PCDHGA6: variants seen among roughly 807,000 people sequenced by gnomAD.
PCDHGA6 encodes the protein protocadherin gamma-A6.
PCDHGA6 carries 41 observed loss-of-function variants against 60.6 expected under a neutral mutation model. The observed-to-expected ratio is 0.68, with a 90% CI of 0.53 to 0.88. The LOEUF is 0.88. Ranked by LOEUF, PCDHGA6 falls within the 40% of genes least tolerant of loss-of-function variation. PCDHGA6 has a pLI of 0.00. For missense variants in PCDHGA6, 1,312 were observed against 1,203.0 expected (o/e 1.09, Z -1.34); for synonymous variants, 594 against 524.4 (o/e 1.13, Z -1.81).
chr5:141,401,353 AAGG>A (rs772220375), intron 1 of PCDHGA6, among the ~76,000 whole-genome samples: 7 of 152,166 alleles, frequency 4.6e-5, no homozygotes, highest in African/African-American at 7.2e-5. Flanking sequence ...AAAAAAAAGG[AAGG>A]AGAAGGAGAG....
In PCDHGA6 at chr5:141,383,143, G is replaced by T. The variant is rs371358932; in HGVS notation, c.2424+6636G>T. 1.9e-5 allele frequency: 30 copies of T among 1,614,090 alleles called. No homozygotes were observed. The African/African-American group carries it at 3.1e-4, about 16-fold the overall frequency. ...GCTTTTCGCCCTGAACCAGCGCAGC[G>T]GCAGCTTGGTCACTGCGGGCAGGAT... On this transcript the variant is annotated intron_variant, in intron 1 of 3. Coordinates refer to ENST00000517434, the MANE Select transcript of PCDHGA6 (RefSeq NM_018919.3).
In PCDHGA6 at chr5:141,374,900, G is replaced by A. The variant is rs1770928989; in HGVS notation, c.817G>A (p.Val273Ile). The change falls in exon 1 of 4, where the codon GTC (valine) becomes ATC (isoleucine). Residue 273 changes from valine (V) to isoleucine (I), a missense_variant. By Grantham distance (29) the Val-to-Ile change is conservative. Coordinates refer to ENST00000517434, the MANE Select transcript of PCDHGA6 (RefSeq NM_018919.3). The stretch of plus-strand genomic sequence containing the variant: ...GACTGCCACCGACCAGGATGAAGGA[G>A]TCCACGGGGAAGTAACTTATTCCTT... ...AVTATDQDEG[V>I]HGEVTYSFVK... The A allele has an allele frequency of 3.7e-6, 6 of 1,613,682 alleles. No homozygotes were observed. The highest frequency in any genetic ancestry group is 3.3e-5 in the South Asian group (3 of 91,092).
rs749528675 is a variant in PCDHGA6, at chr5:141,490,604, A to G, written c.2425-4203A>G. On this transcript the variant is annotated intron_variant, in intron 1 of 3. Coordinates refer to ENST00000517434, the MANE Select transcript of PCDHGA6 (RefSeq NM_018919.3). This position sits in a 1 kb window ranked among gnomAD's most constrained non-coding sequence, Gnocchi z 5.4. ...GTCAATGACAATGCACCCCGCTTCA[A>G]CCAGCAGCTTTACACTGCTTACATC... is the stretch of plus-strand genomic sequence containing the variant. 13 of 1,614,192 alleles carry G rather than the reference A, an allele frequency of 8.1e-6. No homozygotes were observed. Among genetic ancestry groups the G allele is most frequent in the Non-Finnish European group, 1.1e-5 (13 of 1,180,022 alleles).
chr5:141,448,956 C>A (rs2098619571), intron 1 of PCDHGA6, among the ~76,000 whole-genome samples: 1 of 151,948 alleles, frequency 6.6e-6, no homozygotes, highest in Non-Finnish European at 1.5e-5. Context: ...AAAAAACAAA[C>A]AAACAAACAA....
intron 2 of PCDHGA6, among the ~76,000 whole-genome samples, chr5:141,495,175 C>A (rs1337353259): frequency 6.6e-6 from 1 of 152,300 alleles, no homozygotes; most frequent in Middle Eastern, 3.4e-3. Flanking sequence ...TGGGTGAAAG[C>A]GAGGCTTTCT....
intron 1 of PCDHGA6, among the ~76,000 whole-genome samples, chr5:141,387,483 C>G (rs771352001): frequency 6.6e-6 from 1 of 152,204 alleles, no homozygotes; most frequent in Non-Finnish European, 1.5e-5. Flanking sequence ...GGGATGAAGG[C>G]ATTCCTAAGA....
intron 1 of PCDHGA6, chr5:141,391,580 C>A (rs1392857666): frequency 3.3e-5 from 5 of 152,116 alleles, no homozygotes; most frequent in South Asian, 2.1e-4. Flanking sequence ...AATATATTCA[C>A]AGGAAAATAT....
Position 141,397,997 on chromosome 5 carries a change from C to T in PCDHGA6, c.2424+21490C>T, listed in dbSNP as rs2093595590. ...GCCGGCCTTTACACCGCTTCCTCCTCGGAAAAAGAATCGTTTCCTAAACTG... is the reference window on the plus strand; with the variant it reads ...GCCGGCCTTTACACCGCTTCCTCCTTGGAAAAAGAATCGTTTCCTAAACTG... On this transcript the variant is annotated intron_variant, in intron 1 of 3. Coordinates refer to ENST00000517434, the MANE Select transcript of PCDHGA6 (RefSeq NM_018919.3). The T allele has an allele frequency of 6.6e-6, 9 of 1,372,980 alleles. No individual in the cohort carries two copies. The Admixed American group carries it at 2.4e-4, about 37-fold the overall frequency. The allele number at this position is 1,372,980 out of a possible 1,614,324, so 85.0% of individuals were successfully genotyped here.
intron 2 of PCDHGA6, among the ~76,000 whole-genome samples, chr5:141,502,834 A>G (rs1398558120): frequency 6.7e-6 from 1 of 149,378 alleles, no homozygotes; most frequent in Non-Finnish European, 1.5e-5. Flanking sequence ...GGAAGCCTGG[A>G]CTGGCTGAGC....
Position 141,476,944 on chromosome 5 carries a change from C to T in PCDHGA6, c.2425-17863C>T, listed in dbSNP as rs1360022622. The T allele has an allele frequency of 3.3e-5, 53 of 1,614,072 alleles. No homozygotes were observed. The highest frequency in any genetic ancestry group is 4.1e-5 in the Non-Finnish European group (48 of 1,180,052). ...CAACGGATCTGGATGAAGGCCCCAACGGTGAAATTATTTACTCCTTCGGCA... is the reference window on the plus strand; with the variant it reads ...CAACGGATCTGGATGAAGGCCCCAATGGTGAAATTATTTACTCCTTCGGCA... On this transcript the variant is annotated intron_variant, in intron 1 of 3. Transcript: ENST00000517434. The surrounding 1 kb of genome is among the most constrained non-coding windows in gnomAD (Gnocchi z 7.6).
intron 1 of PCDHGA6, chr5:141,400,274 G>C: frequency 6.2e-7 from 1 of 1,614,032 alleles, no homozygotes; most frequent in Non-Finnish European, 8.5e-7. Flanking sequence ...CGCTCCTCCA[G>C]CCCTGCCGCC....
At chr5:141,402,801 G>C (rs1218765657) in intron 1 of PCDHGA6, 6 of 1,078,624 alleles carry the variant, frequency 5.6e-6, no homozygotes, top group Middle Eastern at 3.2e-4. Flanking sequence ...CACAAAACCC[G>C]GCAGATACCA....
intron 1 of PCDHGA6, among the ~76,000 whole-genome samples, chr5:141,473,611 G>C (rs2099325261): frequency 6.6e-6 from 1 of 152,140 alleles, no homozygotes; most frequent in Non-Finnish European, 1.5e-5. Context: ...GCAAAGCAAA[G>C]GGAGGGAGGA....
intron 1 of PCDHGA6, chr5:141,384,536 T>A (rs751421323): frequency 2.5e-6 from 4 of 1,614,086 alleles, no homozygotes; most frequent in Admixed American, 1.7e-5. Flanking sequence ...AGCAGCAACA[T>A]GTCACTGAGC....
rs779750859 is a variant in PCDHGA6, at chr5:141,476,273, A to G, written c.2425-18534A>G. On this transcript the variant is annotated intron_variant, in intron 1 of 3. Transcript: ENST00000517434. The surrounding 1 kb of genome is among the most constrained non-coding windows in gnomAD (Gnocchi z 7.6). Reference sequence around the variant, plus strand: ...TTTCGCTGTGGGCAACGTGGTCGCGAACCTTGGTTTGGATCTCGGTAGCCT... The same window carrying G: ...TTTCGCTGTGGGCAACGTGGTCGCGGACCTTGGTTTGGATCTCGGTAGCCT... 6.2e-7 allele frequency: 1 copy of G among 1,613,964 alleles called. No individual in the cohort carries two copies. The highest frequency in any genetic ancestry group is 1.1e-5 in the South Asian group (1 of 91,064).
In PCDHGA6 at chr5:141,376,108, G is replaced by T; in HGVS notation, c.2025G>T (p.Leu675=). The change falls in exon 1 of 4, where the codon CTG becomes CTT. Residue 675 remains leucine (L), a synonymous_variant. Coordinates refer to ENST00000517434, the MANE Select transcript of PCDHGA6 (RefSeq NM_018919.3). The part of the protein sequence containing the change: ...ADRIPDILAD[L]GSLEPSAKPN... ...GGATCCCCGACATCCTGGCCGACCT[G>T]GGCAGCCTCGAGCCCTCCGCCAAAC... 1.2e-6 allele frequency: 2 copies of T among 1,613,770 alleles called. No homozygotes were observed. Among genetic ancestry groups the T allele is most frequent in the Non-Finnish European group, 1.7e-6 (2 of 1,179,938 alleles).
At chr5:141,497,129 T>G (rs528066007) in intron 2 of PCDHGA6, among the ~76,000 whole-genome samples, 1 of 151,692 alleles carries the variant, frequency 6.6e-6, no homozygotes, top group Admixed American at 6.6e-5. Flanking sequence ...GAGGTTGCAG[T>G]GAGCTGAGAT....
At chr5:141,394,016 T>C in intron 1 of PCDHGA6, 1 of 1,613,452 alleles carries the variant, frequency 6.2e-7, no homozygotes, top group Non-Finnish European at 8.5e-7. Context: ...TAGGTAATTA[T>C]TATAGATTAG....
intron 2 of PCDHGA6, among the ~76,000 whole-genome samples, chr5:141,505,180 A>G (rs1435197883): frequency 6.6e-6 from 1 of 152,200 alleles, no homozygotes; most frequent in Non-Finnish European, 1.5e-5. Context: ...AGAAAAAAGC[A>G]TCGGAGGCAG....
Sources: allele counts gnomAD v4.1 joint callset (sites outside exome capture counted in the v4.1 genomes callset), GRCh38; gene constraint gnomAD v4.1.1; non-coding constraint Gnocchi (gnomAD v3.1); transcripts MANE v1.5; gene names NCBI Gene and HGNC (gene_info 2026-07-23, HGNC 2026-07-21).